Variants in COL18A1 observed in about 807,000 individuals in gnomAD.
COL18A1 encodes the protein collagen type XVIII alpha 1 chain, also known as collagen alpha-1(XVIII) chain.
In COL18A1, 133 loss-of-function variants were observed where a neutral mutation model predicts 168.0. That is an observed-to-expected ratio of 0.79 (90% CI 0.69 to 0.91). The LOEUF (loss-of-function observed/expected upper bound fraction) is 0.91. Among genes scored for constraint, COL18A1 ranks in the 40% least tolerant of loss-of-function variants. The pLI, the probability that COL18A1 is intolerant of heterozygous loss-of-function variation, is 0.00. For synonymous variants in COL18A1, 949 were observed against 809.0 expected (o/e 1.17, Z -2.94); for missense variants, 2,126 against 1,925.4 (o/e 1.10, Z -1.95).
chr21:45,415,135 C>T (rs762412069), intron 2 of COL18A1, among the ~76,000 whole-genome samples: 9 of 152,210 alleles, frequency 5.9e-5, no homozygotes, highest in Non-Finnish European at 7.4e-5. Flanking sequence ...GACAGTGCGG[C>T]GTGGTGTTGG....
rs1214486887 is a variant in COL18A1, at chr21:45,498,834, A to G, written c.2683+1173A>G. 6.6e-6 allele frequency among the ~76,000 whole-genome samples: 1 copy of G among 152,182 alleles called. No individual in the cohort carries two copies. The highest frequency in any genetic ancestry group is 2.4e-5 in the African/African-American group (1 of 41,452). ...TCTGAAGGTCACACATTCAAAAGCC[A>G]CAGGAAGTCTGGAGATGGCAGCAGA... On this transcript the variant is annotated intron_variant, in intron 32 of 41. Transcript: ENST00000651438. This position sits in a 1 kb window ranked among gnomAD's most constrained non-coding sequence, Gnocchi z 4.5.
At position 45,510,273 on chromosome 21, in the gene COL18A1, C is replaced by T. The variant is rs753846030; in HGVS notation, c.3693+12C>T. 6.3e-7 allele frequency: 1 copy of T among 1,596,832 alleles called. No individual in the cohort carries two copies. The highest frequency in any genetic ancestry group is 8.5e-7 in the Non-Finnish European group (1 of 1,172,674). Reference sequence around the variant, plus strand: ...TCGTCAACCTCAAGGTGGGTCAGTCCAGTCCTGAGGGCGCGGGCTCCTCGG... The same window carrying T: ...TCGTCAACCTCAAGGTGGGTCAGTCTAGTCCTGAGGGCGCGGGCTCCTCGG... On this transcript the variant is annotated intron_variant, in intron 40 of 41. Coordinates refer to ENST00000651438, the MANE Select transcript of COL18A1 (RefSeq NM_001379500.1).
At chr21:45,488,341 G>C in intron 17 of COL18A1, 77 bp from the exon 18 acceptor site, 2 of 1,593,208 alleles carry the variant, frequency 1.3e-6, no homozygotes, top group Non-Finnish European at 1.7e-6. Flanking sequence ...TGTTACTAGC[G>C]GGCTTTTCTT....
intron 2 of COL18A1, among the ~76,000 whole-genome samples, chr21:45,431,984 A>G (rs56327327): frequency 0.32 from 48,712 of 151,926 alleles, 10,782 homozygotes; most frequent in African/African-American, 0.62. Context: ...GTCATAAGCT[A>G]CTTTCCCGGC....
At chr21:45,488,393 C>T in intron 17 of COL18A1, 25 bp from the exon 18 acceptor site, 1 of 1,613,784 alleles carries the variant, frequency 6.2e-7, no homozygotes, top group Non-Finnish European at 8.5e-7. Flanking sequence ...GCTGCACTAA[C>T]ACTGTGTCTC....
At chr21:45,433,714 G>A (rs371969514) in intron 2 of COL18A1, among the ~76,000 whole-genome samples, 2 of 152,196 alleles carry the variant, frequency 1.3e-5, no homozygotes, top group East Asian at 1.9e-4. Context: ...TGTGGGATTC[G>A]ATAATTTTCT....
At chr21:45,413,132 G>T (rs760378757) in intron 2 of COL18A1, among the ~76,000 whole-genome samples, 4 of 152,244 alleles carry the variant, frequency 2.6e-5, no homozygotes, top group Non-Finnish European at 5.9e-5. Flanking sequence ...GGACGCCACA[G>T]TGGAGAGAGG....
At chr21:45,492,961 A>G (rs2036405340) in intron 24 of COL18A1, among the ~76,000 whole-genome samples, 1 of 151,892 alleles carries the variant, frequency 6.6e-6, no homozygotes, top group African/African-American at 2.4e-5. Context: ...GTCCAGAGTG[A>G]GGCTGGGGCC....
intron 2 of COL18A1, among the ~76,000 whole-genome samples, chr21:45,413,079 G>A (rs1449505438): frequency 6.6e-6 from 1 of 152,202 alleles, no homozygotes; most frequent in Non-Finnish European, 1.5e-5. Flanking sequence ...GGTGTGTCCT[G>A]CTGACAGCCC....
At chr21:45,427,520 C>A (rs1433345266) in intron 2 of COL18A1, among the ~76,000 whole-genome samples, 1 of 152,208 alleles carries the variant, frequency 6.6e-6, no homozygotes, top group East Asian at 1.9e-4. Context: ...CAGGCAGGCC[C>A]CCTCTTGCTC....
At chr21:45,421,771 C>T (rs2033631440) in intron 2 of COL18A1, 4 of 368,522 alleles carry the variant, frequency 1.1e-5, no homozygotes, top group South Asian at 3.9e-5. Context: ...GGTGGACCAC[C>T]GAGTGGAGAG....
At chr21:45,476,556 G>A (rs1352803091) in intron 6 of COL18A1, 76 bp downstream of exon 6, 7 of 1,516,110 alleles carry the variant, frequency 4.6e-6, no homozygotes, top group South Asian at 1.2e-5. Context: ...GTGTGATGGT[G>A]AGGTATGTGT....
chr21:45,428,765 G>A (rs1008939736), intron 2 of COL18A1, among the ~76,000 whole-genome samples: 4 of 152,274 alleles, frequency 2.6e-5, no homozygotes, highest in African/African-American at 4.8e-5. Flanking sequence ...CAGGTACGTC[G>A]TGGTGTTGTG....
chr21:45,502,379 T>A (rs915556789), intron 32 of COL18A1: 1 of 152,226 alleles, frequency 6.6e-6, no homozygotes, highest in African/African-American at 2.4e-5. Flanking sequence ...GTCATCTCCG[T>A]TGACAAAATT....
intron 2 of COL18A1, among the ~76,000 whole-genome samples, chr21:45,412,654 A>G (rs181462633): frequency 9.4e-4 from 143 of 152,296 alleles, no homozygotes; most frequent in Non-Finnish European, 1.7e-3. Context: ...CCAGGCACAC[A>G]GACAATGGAG....
intron 32 of COL18A1, among the ~76,000 whole-genome samples, chr21:45,503,543 A>C (rs1297714328): frequency 6.7e-6 from 1 of 150,298 alleles, no homozygotes; most frequent in South Asian, 2.1e-4. Flanking sequence ...AGAACAAAAA[A>C]CCAAACACCG....
At chr21:45,408,855 C>T (rs2033202035) in intron 2 of COL18A1, among the ~76,000 whole-genome samples, 2 of 152,316 alleles carry the variant, frequency 1.3e-5, no homozygotes, top group Middle Eastern at 3.4e-3. Flanking sequence ...CCTAGGGATC[C>T]AAAGAACCTC....
intron 2 of COL18A1, among the ~76,000 whole-genome samples, chr21:45,441,643 C>T (rs944008531): frequency 2.0e-5 from 3 of 152,234 alleles, no homozygotes. Flanking sequence ...CCGGCGCCTT[C>T]TACAGAACAC....
intron 2 of COL18A1, among the ~76,000 whole-genome samples, chr21:45,408,255 C>T (rs758015267): frequency 3.9e-5 from 6 of 152,246 alleles, no homozygotes; most frequent in Admixed American, 6.5e-5. Context: ...AAGGCACATG[C>T]ATACACGGGC....
Sources: gnomAD v4.1 joint callset for allele counts (sites outside exome capture counted in the v4.1 genomes callset) on GRCh38, gnomAD v4.1.1 for gene constraint, Gnocchi (gnomAD v3.1) non-coding constraint, MANE v1.5 for transcripts, NCBI Gene and HGNC (gene_info 2026-07-23, HGNC 2026-07-21) for gene names.